The following EML5 variants were observed in gnomAD, a reference collection of about 807,000 sequenced individuals.
EML5 encodes the protein echinoderm microtubule-associated protein-like 5.
Under a neutral mutation model 250.0 loss-of-function variants are expected in EML5, and 120 were observed. The ratio of observed to expected loss-of-function variants is 0.48; its 90% confidence interval spans 0.41 to 0.56. The LOEUF is 0.56. EML5 is among the 20% of genes least tolerant of loss of function. The probability of loss-of-function intolerance (pLI) is 0.00; values close to 1 mark genes in which losing one functional copy is unlikely to be tolerated. For synonymous variants in EML5, 771 were observed against 806.5 expected, an observed-to-expected ratio of 0.96 and a Z score of 0.75; for missense variants, 2,006 against 2,437.6, an observed-to-expected ratio of 0.82 and a Z score of 3.73.
chr14:88,687,851 G>A (rs2092870526), intron 18 of EML5, among the ~76,000 whole-genome samples: 2 of 152,156 alleles, frequency 1.3e-5, no homozygotes, highest in Non-Finnish European at 1.5e-5. Flanking sequence ...TGAGGTGGGA[G>A]AATAGCTTAA....
At chr14:88,703,612 A>G (rs1440960403) in intron 13 of EML5, among the ~76,000 whole-genome samples, 1 of 152,188 alleles carries the variant, frequency 6.6e-6, no homozygotes, top group African/African-American at 2.4e-5. Context: ...GTACTAATTA[A>G]ATCCTTTTTC....
At chr14:88,690,689 T>C (rs1213898703) in intron 17 of EML5, among the ~76,000 whole-genome samples, 3 of 152,184 alleles carry the variant, frequency 2.0e-5, no homozygotes, top group Non-Finnish European at 4.4e-5. Context: ...TTTGTGTCAC[T>C]TATTTAAGAT....
At chr14:88,692,061 G>T (rs1024609701) in intron 17 of EML5, among the ~76,000 whole-genome samples, 1 of 152,078 alleles carries the variant, frequency 6.6e-6, no homozygotes, top group Non-Finnish European at 1.5e-5. Flanking sequence ...TTAATAAAAT[G>T]TGGATTGAAA....
rs923329023 is a variant in EML5 at position 88,691,885 on chromosome 14, C to T, written c.2539+2422G>A. Among the ~76,000 whole-genome samples the T allele has an allele frequency of 5.9e-5, 9 of 152,216 alleles. No individual in the cohort carries two copies. The South Asian group carries it at 1.2e-3, about 21-fold the overall frequency. On this transcript the variant is annotated intron_variant, in intron 17 of 43. Transcript: ENST00000554922. The stretch of plus-strand genomic sequence containing the variant: ...ATGCTTCACTTTCAGGTCTACTATA[C>T]GTCTAATCAAACTTAAGAAAGAAAG...
At chr14:88,766,744 T>C (rs1173622670) in intron 1 of EML5, among the ~76,000 whole-genome samples, 2 of 152,136 alleles carry the variant, frequency 1.3e-5, no homozygotes, top group Non-Finnish European at 1.5e-5. Context: ...TAATAAAAAC[T>C]TACCAGTTTT....
At chr14:88,645,767 C>G (rs2091316904) in intron 29 of EML5, among the ~76,000 whole-genome samples, 1 of 152,164 alleles carries the variant, frequency 6.6e-6, no homozygotes, top group Admixed American at 6.5e-5. Flanking sequence ...ATTATTGCTT[C>G]CAACTCTTTC....
chr14:88,778,559 T>A (rs1271472972), intron 1 of EML5, among the ~76,000 whole-genome samples: 1 of 152,184 alleles, frequency 6.6e-6, no homozygotes, highest in Non-Finnish European at 1.5e-5. Context: ...GGCGGGTGGA[T>A]CACGAGGTCA....
intron 2 of EML5, among the ~76,000 whole-genome samples, chr14:88,751,099 C>CT (rs1023417143): frequency 1.3e-5 from 2 of 152,184 alleles, no homozygotes; most frequent in Non-Finnish European, 2.9e-5. Flanking sequence ...CTTGAGAGTA[C>CT]TTTCTCTGTA....
chr14:88,788,898 GAAA>G (rs10708422), intron 1 of EML5, among the ~76,000 whole-genome samples: 53 of 136,562 alleles, frequency 3.9e-4, no homozygotes, highest in African/African-American at 1.3e-3. Flanking sequence ...CATCTTTACC[GAAA>G]AAAAAAAAAA....
intron 21 of EML5, among the ~76,000 whole-genome samples, chr14:88,673,184 C>T (rs933504012): frequency 2.0e-5 from 3 of 152,154 alleles, no homozygotes; most frequent in African/African-American, 7.2e-5. Flanking sequence ...AAAGATTATC[C>T]ACCACGATCA....
At chr14:88,643,131 C>T (rs2091162181) in intron 30 of EML5, 109 bp from the exon 31 acceptor site, 1 of 1,073,160 alleles carries the variant, frequency 9.3e-7, no homozygotes. Flanking sequence ...ATGGAGTATG[C>T]ATTTTTGATG....
At chr14:88,734,888 A>C (rs2093815088) in intron 7 of EML5, among the ~76,000 whole-genome samples, 1 of 152,194 alleles carries the variant, frequency 6.6e-6, no homozygotes, top group African/African-American at 2.4e-5. Context: ...AAAGAGACTG[A>C]AAAGACATAT....
chr14:88,786,202 A>G (rs923377656), intron 1 of EML5, among the ~76,000 whole-genome samples: 2 of 152,124 alleles, frequency 1.3e-5, no homozygotes, highest in Admixed American at 6.5e-5. Flanking sequence ...TGGCCACCCT[A>G]TCTAAATACC....
chr14:88,612,811 CTG>C lies in EML5; in HGVS notation c.*3005_*3006del, dbSNP rs980829768. ...GTTTTTTTGTGTGTGGTTTTTAAAA[CTG>C]TTAAGGCAAGAAGTGTCAAATGCTT... On this transcript the variant is annotated 3_prime_UTR_variant, in exon 44 of 44. Coordinates refer to ENST00000554922, the MANE Select transcript of EML5 (RefSeq NM_183387.3). 2.0e-4 allele frequency: 30 copies of C among 152,580 alleles called. No homozygotes were observed. Among genetic ancestry groups the C allele is most frequent in the African/African-American group, 5.1e-4 (21 of 41,518 alleles). The allele number at this position is 152,580 out of a possible 1,614,324, so 9.5% of individuals were successfully genotyped here. A position where few individuals can be genotyped will look rare whatever the true frequency, so the allele number is the denominator to read the frequency against.
At chr14:88,745,165 G>GTT (rs1187459587) in intron 3 of EML5, among the ~76,000 whole-genome samples, 1 of 117,784 alleles carries the variant, frequency 8.5e-6, no homozygotes, top group Non-Finnish European at 1.7e-5. Context: ...TAAATTGTGT[G>GTT]TTTGTGTGTG....
At chr14:88,632,308 C>T (rs2090482571) in intron 33 of EML5, among the ~76,000 whole-genome samples, 1 of 152,164 alleles carries the variant, frequency 6.6e-6, no homozygotes, top group Non-Finnish European at 1.5e-5. Context: ...ACTATAACGG[C>T]CACCTAATTT....
chr14:88,781,172 A>G (rs1281867364), intron 1 of EML5, among the ~76,000 whole-genome samples: 1 of 152,180 alleles, frequency 6.6e-6, no homozygotes, highest in Non-Finnish European at 1.5e-5. Context: ...ATACAAATAC[A>G]ATGCTCATGC....
rs555562397 is a variant in EML5 at position 88,683,130 on chromosome 14, T to A, written c.2983-1099A>T. On this transcript the variant is annotated intron_variant, in intron 20 of 43. Transcript: ENST00000554922. ...AATATTTTTTCTTCTATATGGTTTT[T>A]AATATCTTTCCAGAATTTGTAAAAA... is the stretch of plus-strand genomic sequence containing the variant. 4.6e-5 allele frequency among the ~76,000 whole-genome samples: 7 copies of A among 152,418 alleles called. No homozygotes were observed. In the East Asian group the frequency reaches 1.3e-3, roughly 29 times the overall value.
In EML5 at chr14:88,665,411, T is replaced by G. The variant is rs2092277356; in HGVS notation, c.3203A>C (p.Asn1068Thr). ...GLNDGSFLMA[N>T]ADTLEDLVSF... is the part of the protein sequence containing the mutation. ...CACAAGATCCTCTAGAGTATCCGCA[T>G]TTGCCATTAAGAAGCTTCCATCGTT... Residue 1068 changes from asparagine to threonine, a missense_variant, in exon 22 of 44, where the codon AAT (asparagine) becomes ACT (threonine). Physicochemically the swap from Asn to Thr is moderately conservative, Grantham distance 65. Transcript: ENST00000554922. 1.9e-6 allele frequency: 3 copies of G among 1,613,896 alleles called. No individual in the cohort carries two copies. Among genetic ancestry groups the G allele is most frequent in the African/African-American group, 1.3e-5 (1 of 74,936 alleles).
Sources: allele counts gnomAD v4.1 joint callset (sites outside exome capture counted in the v4.1 genomes callset), GRCh38; gene constraint gnomAD v4.1.1; transcripts MANE v1.5; gene names NCBI Gene and HGNC (gene_info 2026-07-23, HGNC 2026-07-21).